NTRK3: variants seen among roughly 807,000 people sequenced by gnomAD.
NTRK3 encodes neurotrophic receptor tyrosine kinase 3.
In NTRK3, 24 loss-of-function variants were observed where a neutral mutation model predicts 91.7. The ratio of observed to expected loss-of-function variants is 0.26; its 90% CI spans 0.19 to 0.37. NTRK3 has a LOEUF of 0.37. Among genes scored for constraint, NTRK3 ranks in the 10% least tolerant of loss-of-function variants. NTRK3 has a pLI of 1.00. For synonymous variants in NTRK3, 483 were observed against 404.0 expected, an observed-to-expected ratio of 1.20 and a Z score of -2.34; for missense variants, 880 against 1,068.9, an observed-to-expected ratio of 0.82 and a Z score of 2.46.
chr15:87,917,386 T>C (rs972920841), intron 17 of NTRK3, among the ~76,000 whole-genome samples: 1 of 152,230 alleles, frequency 6.6e-6, no homozygotes, highest in African/African-American at 2.4e-5. Context: ...ATGATTTTGA[T>C]GCTATTCTGC....
chr15:88,017,982 G>C (rs986202401), intron 14 of NTRK3, among the ~76,000 whole-genome samples: 2 of 152,172 alleles, frequency 1.3e-5, no homozygotes, highest in South Asian at 2.1e-4. Context: ...TAGGTCTGGG[G>C]ACAGAAGCTT....
intron 14 of NTRK3, among the ~76,000 whole-genome samples, chr15:88,012,058 A>G (rs944753836): frequency 2.0e-5 from 3 of 152,150 alleles, no homozygotes; most frequent in Admixed American, 2.0e-4. Context: ...CTAGGCTCCA[A>G]TGTTCAAGCC....
At chr15:88,145,084 G>T (rs2042763761) in intron 6 of NTRK3, among the ~76,000 whole-genome samples, 1 of 152,112 alleles carries the variant, frequency 6.6e-6, no homozygotes, top group South Asian at 2.1e-4. Flanking sequence ...CCACGCCCCA[G>T]CCCACAGGCT....
chr15:87,941,105 C>T (rs1317556473), intron 14 of NTRK3, among the ~76,000 whole-genome samples: 3 of 152,102 alleles, frequency 2.0e-5, no homozygotes, highest in African/African-American at 4.8e-5. Flanking sequence ...GCACATGAAT[C>T]CCCTGGGAAT....
intron 13 of NTRK3, among the ~76,000 whole-genome samples, chr15:88,062,749 C>A (rs1156317799): frequency 1.3e-5 from 2 of 152,228 alleles, no homozygotes; most frequent in African/African-American, 2.4e-5. Flanking sequence ...CAAATGAATT[C>A]TATCTTTATT....
intron 13 of NTRK3, among the ~76,000 whole-genome samples, chr15:88,123,075 G>A (rs1044415999): frequency 1.2e-4 from 18 of 152,276 alleles, no homozygotes; most frequent in African/African-American, 4.1e-4. Context: ...GGGCATGATT[G>A]CGTCTTGGAT....
chr15:87,860,567 A>G (rs928373679), exon 19 of NTRK3: 5 of 203,142 alleles, frequency 2.5e-5, no homozygotes, highest in East Asian at 7.5e-5. Flanking sequence ...TGCAGTCATC[A>G]TTTTAACGAG....
chr15:88,124,849 C>G (rs1371087336), intron 13 of NTRK3, among the ~76,000 whole-genome samples: 1 of 152,352 alleles, frequency 6.6e-6, no homozygotes, highest in East Asian at 1.9e-4. Flanking sequence ...ACATGTCTTT[C>G]TCTTGGTCAA....
At chr15:88,037,805 C>G (rs1015402937) in intron 13 of NTRK3, among the ~76,000 whole-genome samples, 1 of 152,180 alleles carries the variant, frequency 6.6e-6, no homozygotes, top group Non-Finnish European at 1.5e-5. Flanking sequence ...ACTTCCTACA[C>G]ATCAGGCTCT....
chr15:88,251,720 A>C (rs1380758882), intron 3 of NTRK3, among the ~76,000 whole-genome samples: 1 of 152,246 alleles, frequency 6.6e-6, no homozygotes, highest in South Asian at 2.1e-4. Context: ...GCTGGCAGGG[A>C]CTGGCAAGGC....
At chr15:88,195,385 G>A (rs933856661) in intron 3 of NTRK3, among the ~76,000 whole-genome samples, 43 of 152,226 alleles carry the variant, frequency 2.8e-4, no homozygotes, top group African/African-American at 1.0e-3. Context: ...CCAAGTTCCC[G>A]GTACATAGTA....
At chr15:88,135,533 C>G (rs1484769365) in intron 9 of NTRK3, 136 bp from the exon 10 acceptor site, 1 of 1,011,752 alleles carries the variant, frequency 9.9e-7, no homozygotes, top group African/African-American at 1.6e-5. Flanking sequence ...GAAGTCCCAC[C>G]ACAATCCCAG....
chr15:88,014,268 T>G (rs1266918679), intron 14 of NTRK3, among the ~76,000 whole-genome samples: 2 of 152,162 alleles, frequency 1.3e-5, no homozygotes, highest in Non-Finnish European at 2.9e-5. Context: ...TTGGGGAAAA[T>G]GAAAAGATTG....
intron 5 of NTRK3, among the ~76,000 whole-genome samples, chr15:88,182,889 T>C (rs1262962252): frequency 6.6e-6 from 1 of 152,178 alleles, no homozygotes; most frequent in Non-Finnish European, 1.5e-5. Flanking sequence ...GACCTCTAGC[T>C]TGTCCCAAAC....
chr15:88,183,613 C>T (rs1229587357), intron 4 of NTRK3, 124 bp from the exon 5 acceptor site: 38 of 889,682 alleles, frequency 4.3e-5, no homozygotes, highest in East Asian at 2.4e-4. Context: ...TTATCTACAC[C>T]TCTTCATTGC....
intron 14 of NTRK3, among the ~76,000 whole-genome samples, chr15:87,984,906 A>C (rs1438563629): frequency 6.6e-6 from 1 of 152,100 alleles, no homozygotes; most frequent in African/African-American, 2.4e-5. Context: ...TCACCCCTGC[A>C]CTTATTTACA....
intron 13 of NTRK3, among the ~76,000 whole-genome samples, chr15:88,096,682 G>C (rs966806006): frequency 2.6e-5 from 4 of 152,146 alleles, no homozygotes; most frequent in Non-Finnish European, 5.9e-5. Flanking sequence ...TGGAGGACAG[G>C]AGTCACTAAA....
intron 5 of NTRK3, among the ~76,000 whole-genome samples, chr15:88,168,896 C>T (rs1238107638): frequency 2.0e-5 from 3 of 152,246 alleles, no homozygotes; most frequent in African/African-American, 7.2e-5. Context: ...TTCAGGCCAA[C>T]TCACTGGATG....
intron 13 of NTRK3, among the ~76,000 whole-genome samples, chr15:88,101,612 C>T (rs1172228623): frequency 2.0e-5 from 3 of 152,206 alleles, no homozygotes; most frequent in African/African-American, 4.8e-5. Context: ...GACTTGCAAC[C>T]AACCCAAATG....
Sources: allele counts gnomAD v4.1 joint callset (sites outside exome capture counted in the v4.1 genomes callset), GRCh38; gene constraint gnomAD v4.1.1; transcripts MANE v1.5; gene names NCBI Gene and HGNC (gene_info 2026-07-23, HGNC 2026-07-21).